The following TFDP2 variants were observed in gnomAD, a reference collection of about 807,000 sequenced individuals.
TFDP2 encodes transcription factor Dp-2, also known as transcription factor Dp-2 (E2F dimerization partner 2).
TFDP2 carries 17 observed loss-of-function variants against 59.3 expected under a neutral mutation model. The observed-to-expected ratio is 0.29, with a 90% CI of 0.20 to 0.43. The LOEUF (loss-of-function observed/expected upper bound fraction) is 0.43, where lower values mean the gene tolerates loss of function less well. TFDP2 is among the 20% of genes least tolerant of loss of function. The pLI is 1.00. For synonymous variants in TFDP2, 180 were observed against 194.7 expected, an observed-to-expected ratio of 0.92 and a Z score of 0.63; for missense variants, 391 against 528.8, an observed-to-expected ratio of 0.74 and a Z score of 2.56.
At chr3:141,976,903 G>A (rs1940722014) in intron 7 of TFDP2, among the ~76,000 whole-genome samples, 1 of 151,392 alleles carries the variant, frequency 6.6e-6, no homozygotes, top group South Asian at 2.1e-4. Flanking sequence ...ATATTCTCTG[G>A]ACAAATTAAG....
Position 141,995,685 on chromosome 3 carries a change from A to C in TFDP2, c.187-544T>G, listed in dbSNP as rs929535854. On this transcript the variant is annotated intron_variant, in intron 4 of 12. Coordinates refer to ENST00000489671, the MANE Select transcript of TFDP2 (RefSeq NM_001178139.2). The stretch of plus-strand genomic sequence containing the variant: ...GATCACCTGAGGTCACGAGTTCAAG[A>C]CCAGCCTGGCCAACATGGTGAAAAC... 3.3e-5 allele frequency among the ~76,000 whole-genome samples: 5 copies of C among 152,182 alleles called. No individual in the cohort carries two copies. The South Asian group carries it at 6.2e-4, about 19-fold the overall frequency.
intron 9 of TFDP2, 34 bp from the exon 10 acceptor site, chr3:141,963,997 G>C: frequency 1.3e-6 from 2 of 1,578,786 alleles, no homozygotes; most frequent in Non-Finnish European, 1.7e-6. Context: ...ATGGTCAATT[G>C]TGCATAAGTG....
chr3:142,051,382 T>C (rs1947618408), intron 3 of TFDP2, among the ~76,000 whole-genome samples: 2 of 152,008 alleles, frequency 1.3e-5, no homozygotes, highest in African/African-American at 4.8e-5. Flanking sequence ...CTACTAAAAT[T>C]ACAAAAATTG....
chr3:142,010,276 C>A (rs1469157831), intron 3 of TFDP2, among the ~76,000 whole-genome samples: 1 of 152,058 alleles, frequency 6.6e-6, no homozygotes, highest in African/African-American at 2.4e-5. Context: ...ATACAGATGC[C>A]AGTCATCACA....
At chr3:142,047,244 T>C (rs1243416874) in intron 3 of TFDP2, among the ~76,000 whole-genome samples, 1 of 152,304 alleles carries the variant, frequency 6.6e-6, no homozygotes, top group East Asian at 1.9e-4. Context: ...CAGGCCCAGA[T>C]AGATATTAAA....
In TFDP2 at chr3:141,948,914, C is replaced by G. The variant is rs1211324435; in HGVS notation, c.*3599G>C. Reference sequence around the variant, plus strand: ...GGTCAGGAGATCGAGACCATCCTGGCTAACACGGTGAAACCCCGTCTCTAC... The same window carrying G: ...GGTCAGGAGATCGAGACCATCCTGGGTAACACGGTGAAACCCCGTCTCTAC... On this transcript the variant is annotated 3_prime_UTR_variant, in exon 13 of 13. Coordinates refer to ENST00000489671, the MANE Select transcript of TFDP2 (RefSeq NM_001178139.2). The G allele has an allele frequency of 6.6e-6, 1 of 151,974 alleles. No homozygotes were observed. Among genetic ancestry groups the G allele is most frequent in the African/African-American group, 2.4e-5 (1 of 41,334 alleles). 9.4% of individuals were successfully genotyped at this position (151,974 alleles called of 1,614,324 possible).
intron 3 of TFDP2, among the ~76,000 whole-genome samples, chr3:142,034,625 T>G (rs1171894640): frequency 6.6e-6 from 1 of 152,110 alleles, no homozygotes. Context: ...AATCTAATAA[T>G]GTGTGCTTAT....
intron 1 of TFDP2, among the ~76,000 whole-genome samples, chr3:142,137,486 T>C (rs897914794): frequency 2.0e-5 from 3 of 152,202 alleles, no homozygotes; most frequent in African/African-American, 7.2e-5. Context: ...GCTTCCAGTT[T>C]TTGCCCATTC....
chr3:142,003,211 G>T (rs1943951983), intron 4 of TFDP2, among the ~76,000 whole-genome samples: 1 of 152,080 alleles, frequency 6.6e-6, no homozygotes, highest in South Asian at 2.1e-4. Context: ...GTGTTAGCCA[G>T]GATGGTCTCG....
chr3:142,030,185 G>A (rs1234532446), intron 3 of TFDP2, among the ~76,000 whole-genome samples: 1 of 152,112 alleles, frequency 6.6e-6, no homozygotes, highest in South Asian at 2.1e-4. Context: ...ACAGAGATAT[G>A]ACAACAATAA....
chr3:141,973,132 T>TC, intron 8 of TFDP2, among the ~76,000 whole-genome samples: 1 of 145,148 alleles, frequency 6.9e-6, no homozygotes, highest in Non-Finnish European at 1.5e-5. Context: ...TATTTTTTTT[T>TC]TTTAAAGATG....
chr3:142,043,238 G>C (rs1375656094), intron 3 of TFDP2, among the ~76,000 whole-genome samples: 3 of 146,302 alleles, frequency 2.1e-5, no homozygotes, highest in Non-Finnish European at 3.0e-5. Flanking sequence ...TAGTAGAGAC[G>C]GGGTTTCACT....
At chr3:142,053,346 C>T (rs1334268411) in intron 3 of TFDP2, among the ~76,000 whole-genome samples, 1 of 151,984 alleles carries the variant, frequency 6.6e-6, no homozygotes, top group Non-Finnish European at 1.5e-5. Flanking sequence ...TTGTTTAAAA[C>T]AGTATGGCAC....
intron 8 of TFDP2, among the ~76,000 whole-genome samples, chr3:141,973,681 TC>T (rs1431416013): frequency 2.8e-5 from 4 of 143,036 alleles, no homozygotes; most frequent in Non-Finnish European, 6.1e-5. Context: ...GCCGGCTTGA[TC>T]CTTTTTTTTT....
intron 3 of TFDP2, among the ~76,000 whole-genome samples, chr3:142,088,197 G>T (rs1487765446): frequency 1.3e-5 from 2 of 152,146 alleles, no homozygotes; most frequent in Non-Finnish European, 1.5e-5. Flanking sequence ...AAAGAATGTG[G>T]CCTACCTCTC....
intron 3 of TFDP2, among the ~76,000 whole-genome samples, chr3:142,024,669 T>C (rs953624373): frequency 1.3e-5 from 2 of 152,194 alleles, no homozygotes; most frequent in African/African-American, 4.8e-5. Context: ...AAAGAGTTCA[T>C]ACATAAAGCA....
intron 1 of TFDP2, among the ~76,000 whole-genome samples, chr3:142,128,910 C>A (rs2062382099): frequency 2.0e-5 from 1 of 49,758 alleles, no homozygotes; most frequent in Non-Finnish European, 3.6e-5. Context: ...AAAAGAAATG[C>A]AACTTTCTTT....
intron 1 of TFDP2, among the ~76,000 whole-genome samples, chr3:142,140,344 C>T (rs2062900936): frequency 6.6e-6 from 1 of 152,142 alleles, no homozygotes. Flanking sequence ...TATTACCAAC[C>T]TTCTGAAGCC....
chr3:142,137,661 G>C (rs2062784785), intron 1 of TFDP2, among the ~76,000 whole-genome samples: 1 of 152,146 alleles, frequency 6.6e-6, no homozygotes, highest in African/African-American at 2.4e-5. Context: ...CGTTGGATCT[G>C]TTTATGTGAT....
Sources: gnomAD v4.1 joint callset for allele counts (sites outside exome capture counted in the v4.1 genomes callset) on GRCh38, gnomAD v4.1.1 for gene constraint, MANE v1.5 for transcripts, NCBI Gene and HGNC (gene_info 2026-07-23, HGNC 2026-07-21) for gene names.